The following ITGB1 variants were observed in gnomAD, a reference collection of about 807,000 sequenced individuals.
ITGB1 encodes the protein integrin subunit beta 1.
Under a neutral mutation model 86.5 loss-of-function variants are expected in ITGB1, and 24 were observed. The observed-to-expected ratio is 0.28, with a 90% CI of 0.20 to 0.39. ITGB1 has a LOEUF of 0.39. Ranked by LOEUF, ITGB1 falls within the 10% of genes least tolerant of loss-of-function variation. ITGB1 has a pLI of 1.00. For missense variants in ITGB1, 556 were observed against 946.9 expected, an observed-to-expected ratio of 0.59 and a Z score of 5.42; for synonymous variants, 323 against 316.8, an observed-to-expected ratio of 1.02 and a Z score of -0.21.
At chr10:32,938,951 G>A (rs528257924) in intron 1 of ITGB1, among the ~76,000 whole-genome samples, 6 of 152,246 alleles carry the variant, frequency 3.9e-5, no homozygotes, top group African/African-American at 9.6e-5. Flanking sequence ...AGGGAGCCTC[G>A]CTTTCAATGC....
chr10:32,907,690 G>A (rs1431422834), intron 15 of ITGB1, among the ~76,000 whole-genome samples: 2 of 151,934 alleles, frequency 1.3e-5, no homozygotes, highest in Non-Finnish European at 2.9e-5. Flanking sequence ...TGCTTTTCCA[G>A]AATGTCCTCT....
intron 1 of ITGB1, chr10:32,945,092 A>C: frequency 7.1e-6 from 3 of 423,004 alleles, no homozygotes; most frequent in Non-Finnish European, 1.3e-5. Context: ...AGCATGTATG[A>C]ATTCTTTGAA....
At chr10:32,915,471 A>C (rs1398743554) in intron 11 of ITGB1, among the ~76,000 whole-genome samples, 1 of 152,228 alleles carries the variant, frequency 6.6e-6, no homozygotes, top group Non-Finnish European at 1.5e-5. Context: ...ATAAAAAATG[A>C]TAAAGGGGAT....
intron 15 of ITGB1, 72 bp from the exon 16 acceptor site, chr10:32,901,707 C>A: frequency 2.0e-6 from 2 of 1,016,558 alleles, no homozygotes; most frequent in Non-Finnish European, 3.0e-6. Flanking sequence ...TTTTATAAAT[C>A]AAGACTAAAA....
chr10:32,908,310 T>C, intron 15 of ITGB1, 58 bp downstream of exon 15: 1 of 1,459,024 alleles, frequency 6.9e-7, no homozygotes, highest in Non-Finnish European at 9.6e-7. Flanking sequence ...ACATAAGTCT[T>C]AGGAGTATTA....
At chr10:32,923,315 G>A (rs1486479827) in intron 7 of ITGB1, among the ~76,000 whole-genome samples, 1 of 152,154 alleles carries the variant, frequency 6.6e-6, no homozygotes, top group Non-Finnish European at 1.5e-5. Flanking sequence ...GCTGTGGGCG[G>A]GGAGTTGAGG....
intron 15 of ITGB1, chr10:32,907,052 A>G (rs200201473): frequency 2.2e-6 from 3 of 1,333,384 alleles, no homozygotes; most frequent in Non-Finnish European, 3.0e-6. Flanking sequence ...AAAGTGAAAC[A>G]AAATACGAAC....
intron 1 of ITGB1, among the ~76,000 whole-genome samples, chr10:32,956,413 A>AAC (rs1555222765): frequency 2.3e-4 from 34 of 149,654 alleles, no homozygotes; most frequent in East Asian, 2.2e-3. Context: ...AAAAAAAAAT[A>AAC]AAAAAACCTA....
chr10:32,957,301 T>C (rs976258493), intron 1 of ITGB1, among the ~76,000 whole-genome samples: 6 of 151,936 alleles, frequency 3.9e-5, no homozygotes, highest in Non-Finnish European at 7.4e-5. Flanking sequence ...ACTTAGAGAG[T>C]AGGAGTCTCA....
intron 1 of ITGB1, among the ~76,000 whole-genome samples, chr10:32,937,382 C>A (rs766925014): frequency 1.3e-5 from 2 of 151,622 alleles, no homozygotes; most frequent in Non-Finnish European, 2.9e-5. Flanking sequence ...ATAGTGAAAC[C>A]CCGTCTCTAC....
chr10:32,912,751 C>A (rs1346577663), intron 11 of ITGB1, among the ~76,000 whole-genome samples: 1 of 152,234 alleles, frequency 6.6e-6, no homozygotes, highest in African/African-American at 2.4e-5. Flanking sequence ...CATAGCTGAA[C>A]AAAATCCAGC....
chr10:32,909,020 G>A (rs2094905301), intron 14 of ITGB1, among the ~76,000 whole-genome samples: 1 of 152,156 alleles, frequency 6.6e-6, no homozygotes, highest in Non-Finnish European at 1.5e-5. Context: ...AACTTCTGTA[G>A]CAATCAGTAA....
At chr10:32,956,976 T>TC (rs2095053622) in intron 1 of ITGB1, among the ~76,000 whole-genome samples, 1 of 152,186 alleles carries the variant, frequency 6.6e-6, no homozygotes, top group Non-Finnish European at 1.5e-5. Context: ...CCCCATGCCT[T>TC]CTCCAGGAGC....
At chr10:32,915,871 T>C (rs1346341219) in intron 11 of ITGB1, among the ~76,000 whole-genome samples, 1 of 152,102 alleles carries the variant, frequency 6.6e-6, no homozygotes, top group Non-Finnish European at 1.5e-5. Flanking sequence ...AGAAAGAGAA[T>C]TTTAGACCAA....
At chr10:32,949,458 T>C (rs955058678) in intron 1 of ITGB1, among the ~76,000 whole-genome samples, 1 of 152,246 alleles carries the variant, frequency 6.6e-6, no homozygotes, top group African/African-American at 2.4e-5. Context: ...TATGAGTTTA[T>C]TTCTTGGGCA....
intron 7 of ITGB1, among the ~76,000 whole-genome samples, 176 bp downstream of exon 7, chr10:32,923,409 G>C (rs2094955772): frequency 6.6e-6 from 1 of 152,126 alleles, no homozygotes; most frequent in Admixed American, 6.6e-5. Context: ...ATACAAAGCT[G>C]CATCTTCACA....
chr10:32,901,846 C>T (rs1467368365), intron 15 of ITGB1, among the ~76,000 whole-genome samples: 1 of 152,170 alleles, frequency 6.6e-6, no homozygotes, highest in Non-Finnish European at 1.5e-5. Context: ...AATGATGCCC[C>T]GTTATCTGGT....
At chr10:32,926,157 G>A in intron 5 of ITGB1, 48 bp from the exon 6 acceptor site, 1 of 1,282,346 alleles carries the variant, frequency 7.8e-7, no homozygotes, top group East Asian at 2.3e-5. Context: ...ATGGATAGAT[G>A]GAAAGACAGA....
chr10:32,928,646 G>A (rs997035225), intron 4 of ITGB1, among the ~76,000 whole-genome samples: 3 of 152,140 alleles, frequency 2.0e-5, no homozygotes, highest in Non-Finnish European at 2.9e-5. Context: ...ACTCTGTTCT[G>A]TGTGTAGTGG....
Sources: allele counts gnomAD v4.1 joint callset (sites outside exome capture counted in the v4.1 genomes callset), GRCh38; gene constraint gnomAD v4.1.1; transcripts MANE v1.5; gene names NCBI Gene and HGNC (gene_info 2026-07-23, HGNC 2026-07-21).